DAB1: variants seen among roughly 807,000 people sequenced by gnomAD.
DAB1 encodes DAB adaptor protein 1.
A neutral mutation model predicts 64.6 loss-of-function variants in DAB1; 15 were observed. The observed-to-expected ratio is 0.23, with a 90% CI of 0.16 to 0.36. The LOEUF (loss-of-function observed/expected upper bound fraction) is 0.36. DAB1 is among the 10% of genes least tolerant of loss of function. The probability of loss-of-function intolerance (pLI) is 1.00; values close to 1 mark genes in which losing one functional copy is unlikely to be tolerated. For missense variants in DAB1, 596 were observed against 706.7 expected (o/e 0.84, Z 1.78); for synonymous variants, 235 against 251.9 (o/e 0.93, Z 0.64).
chr1:57,547,324 T>G (rs947892649), intron 7 of DAB1, among the ~76,000 whole-genome samples: 1 of 152,126 alleles, frequency 6.6e-6, no homozygotes, highest in African/African-American at 2.4e-5. Flanking sequence ...TTAAGTTTCT[T>G]TCTTTAAAAG....
At chr1:57,323,824 G>A (rs1019554482) in intron 1 of DAB1, among the ~76,000 whole-genome samples, 1 of 151,922 alleles carries the variant, frequency 6.6e-6, no homozygotes, top group Admixed American at 6.6e-5. Flanking sequence ...CAGTGAGATC[G>A]GGGTGGCGAA....
At chr1:58,049,058 CT>C (rs1209332323) in intron 5 of DAB1, 2 of 783,502 alleles carry the variant, frequency 2.6e-6, no homozygotes, top group African/African-American at 1.7e-5. Flanking sequence ...TTCCACCCAC[CT>C]TGTGTGGCCT....
chr1:57,372,073 G>T (rs543656182), intron 1 of DAB1, among the ~76,000 whole-genome samples: 5 of 152,142 alleles, frequency 3.3e-5, no homozygotes, highest in Non-Finnish European at 5.9e-5. Context: ...AGAGGCCTGT[G>T]GTTCCTTTTT....
intron 2 of DAB1, among the ~76,000 whole-genome samples, chr1:57,163,557 C>T (rs1660957057): frequency 1.3e-5 from 2 of 151,928 alleles, no homozygotes; most frequent in African/African-American, 4.8e-5. Flanking sequence ...CAATGGAAAG[C>T]CACGCTGGTG....
intron 5 of DAB1, among the ~76,000 whole-genome samples, chr1:57,970,969 C>T (rs1645782155): frequency 1.3e-5 from 2 of 152,154 alleles, no homozygotes; most frequent in African/African-American, 4.8e-5. Context: ...TTACTACAGA[C>T]CACAGAGCTA....
At chr1:58,508,348 G>A (rs1435952248) in intron 2 of DAB1, among the ~76,000 whole-genome samples, 1 of 152,138 alleles carries the variant, frequency 6.6e-6, no homozygotes, top group Non-Finnish European at 1.5e-5. Context: ...CAAGATGGAA[G>A]AATAGGACGC....
At chr1:57,707,471 G>A (rs1023414824) in intron 6 of DAB1, among the ~76,000 whole-genome samples, 1 of 151,904 alleles carries the variant, frequency 6.6e-6, no homozygotes, top group African/African-American at 2.4e-5. Flanking sequence ...TTAAAGTAAG[G>A]CTGTTATGAA....
intron 4 of DAB1, among the ~76,000 whole-genome samples, chr1:58,334,290 AATATATATGT>A (rs1332213255): frequency 6.6e-6 from 1 of 152,152 alleles, no homozygotes; most frequent in Non-Finnish European, 1.5e-5. Flanking sequence ...TGCAATATTA[AATATATATGT>A]ATATATATGT....
At chr1:57,033,695 T>C (rs1647037563) in intron 9 of DAB1, 4 of 885,680 alleles carry the variant, frequency 4.5e-6, no homozygotes, top group Non-Finnish European at 5.5e-6. Context: ...AGGCGGGAGC[T>C]GTTTCCAATG....
Position 57,371,771 on chromosome 1 carries a change from A to T in DAB1, c.-137+52159T>A, listed in dbSNP as rs1680515661. 2.6e-5 allele frequency among the ~76,000 whole-genome samples: 4 copies of T among 152,320 alleles called. No homozygotes were observed. In the South Asian group the frequency reaches 8.3e-4, roughly 32 times the overall value. ...GAACATTGAAGATCTTTGTTTGGCC[A>T]CCACTTTAAGGCAGTGATTCTCAAC... On this transcript the variant is annotated intron_variant, in intron 1 of 14. Transcript: ENST00000371236.
At chr1:57,071,488 G>C (rs746590813) in intron 6 of DAB1, 34 bp downstream of exon 6, 2 of 1,594,114 alleles carry the variant, frequency 1.3e-6, no homozygotes, top group Non-Finnish European at 1.7e-6. Flanking sequence ...TTGAAGGCCC[G>C]ATCTCCAGCG....
intron 4 of DAB1, among the ~76,000 whole-genome samples, chr1:58,247,262 C>T (rs1374823739): frequency 4.3e-5 from 5 of 116,822 alleles, no homozygotes; most frequent in Non-Finnish European, 7.5e-5. Context: ...TTCATTTCCC[C>T]CCCCGCCAGG....
chr1:58,264,339 A>T (rs1230856693), intron 4 of DAB1, among the ~76,000 whole-genome samples: 1 of 152,222 alleles, frequency 6.6e-6, no homozygotes, highest in Non-Finnish European at 1.5e-5. Flanking sequence ...AATTCACAAG[A>T]GCTAGATAAT....
intron 3 of DAB1, among the ~76,000 whole-genome samples, chr1:58,356,929 G>A (rs1032821759): frequency 1.4e-4 from 21 of 151,182 alleles, no homozygotes; most frequent in African/African-American, 4.9e-4. Flanking sequence ...GGAGCCTGAG[G>A]TGGGAGGATT....
intron 1 of DAB1, among the ~76,000 whole-genome samples, chr1:57,294,305 G>T (rs1334942983): frequency 6.6e-6 from 1 of 152,140 alleles, no homozygotes; most frequent in African/African-American, 2.4e-5. Context: ...AAGTGTGTCA[G>T]GTTTTTTATA....
chr1:58,462,187 C>T (rs1232000896), intron 3 of DAB1, among the ~76,000 whole-genome samples: 2 of 142,550 alleles, frequency 1.4e-5, no homozygotes, highest in South Asian at 2.2e-4. Flanking sequence ...ACTGCAGTGG[C>T]GCAGTCTCGG....
At chr1:57,760,620 TCACACACACA>T (rs60457752) in intron 6 of DAB1, among the ~76,000 whole-genome samples, 20 of 140,490 alleles carry the variant, frequency 1.4e-4, no homozygotes, top group Non-Finnish European at 1.7e-4. Flanking sequence ...TCTCTCTCTC[TCACACACACA>T]CACACACACA....
At chr1:57,094,006 G>A in intron 4 of DAB1, among the ~76,000 whole-genome samples, 1 of 151,712 alleles carries the variant, frequency 6.6e-6, no homozygotes, top group Non-Finnish European at 1.5e-5. Context: ...CTATGCAGAT[G>A]GCCGAGGCAC....
intron 5 of DAB1, among the ~76,000 whole-genome samples, chr1:57,918,351 C>T (rs1012498237): frequency 6.6e-6 from 1 of 152,070 alleles, no homozygotes; most frequent in Non-Finnish European, 1.5e-5. Context: ...CTAAAAAGTT[C>T]AAGGGCCTGG....
Sources: allele counts gnomAD v4.1 joint callset (sites outside exome capture counted in the v4.1 genomes callset), GRCh38; gene constraint gnomAD v4.1.1; transcripts MANE v1.5; gene names NCBI Gene and HGNC (gene_info 2026-07-23, HGNC 2026-07-21).